Variants in ROBO2 observed in about 807,000 individuals in gnomAD.
ROBO2 encodes the protein roundabout homolog 2.
A neutral mutation model predicts 160.8 loss-of-function variants in ROBO2; 53 were observed. The observed-to-expected ratio is 0.33, with a 90% CI of 0.26 to 0.41. The LOEUF is 0.41. Among genes scored for constraint, ROBO2 ranks in the 10% least tolerant of loss-of-function variants. The pLI is 1.00. For missense variants in ROBO2, 1,577 were observed against 1,722.4 expected (o/e 0.92, Z 1.49); for synonymous variants, 664 against 611.7 (o/e 1.09, Z -1.26).
Position 76,534,035 on chromosome 3 carries a change from G to A in ROBO2, c.110-563979G>A, listed in dbSNP as rs187993241. On this transcript the variant is annotated intron_variant, in intron 2 of 26. Transcript: ENST00000487694. ...TATAATGGCTGAGCTTCAGCTCAGAGACCTAACATTCCTGTCTTTTTATTT... is the reference window on the plus strand; with the variant it reads ...TATAATGGCTGAGCTTCAGCTCAGAAACCTAACATTCCTGTCTTTTTATTT... Among the ~76,000 whole-genome samples the A allele has an allele frequency of 5.3e-5, 8 of 152,230 alleles. No homozygotes were observed. In the East Asian group the frequency reaches 9.7e-4, roughly 18 times the overall value.
At chr3:76,083,032 G>A (rs561881777) in intron 2 of ROBO2, among the ~76,000 whole-genome samples, 18 of 152,122 alleles carry the variant, frequency 1.2e-4, no homozygotes, top group Non-Finnish European at 2.2e-4. Context: ...AAGAGGAGGC[G>A]CTTCCTTCAC....
At chr3:76,521,191 G>A (rs1328053100) in intron 2 of ROBO2, among the ~76,000 whole-genome samples, 1 of 151,916 alleles carries the variant, frequency 6.6e-6, no homozygotes, top group Non-Finnish European at 1.5e-5. Flanking sequence ...TGGGACTACA[G>A]GCATGCGTCA....
intron 2 of ROBO2, among the ~76,000 whole-genome samples, chr3:77,256,710 G>C (rs935054431): frequency 1.3e-5 from 2 of 152,184 alleles, no homozygotes; most frequent in African/African-American, 2.4e-5. Context: ...CCCAAGAGAG[G>C]CTTCTGCGAA....
chr3:77,529,171 T>A (rs1288019514), intron 6 of ROBO2, among the ~76,000 whole-genome samples: 2 of 150,958 alleles, frequency 1.3e-5, no homozygotes, highest in East Asian at 3.9e-4. Context: ...ATATAAATTA[T>A]ATACAACAAT....
intron 2 of ROBO2, among the ~76,000 whole-genome samples, chr3:76,139,557 T>C (rs539246584): frequency 6.6e-6 from 1 of 152,002 alleles, no homozygotes; most frequent in African/African-American, 2.4e-5. Context: ...TGCAGTGGAG[T>C]GGAGAGAGTT....
intron 2 of ROBO2, among the ~76,000 whole-genome samples, chr3:77,422,623 C>T (rs1251350865): frequency 6.6e-6 from 1 of 152,118 alleles, no homozygotes. Context: ...AAATGATTAT[C>T]TTAATATTTT....
chr3:76,317,326 A>G, intron 2 of ROBO2, among the ~76,000 whole-genome samples: 1 of 152,220 alleles, frequency 6.6e-6, no homozygotes, highest in East Asian at 1.9e-4. Context: ...ACGCTGGGAA[A>G]TCATTTTTAT....
chr3:77,446,958 A>T (rs1189056064), intron 2 of ROBO2, among the ~76,000 whole-genome samples: 6 of 152,104 alleles, frequency 3.9e-5, no homozygotes, highest in Non-Finnish European at 8.8e-5. Flanking sequence ...TTTCACTGTG[A>T]AAGAATGCAG....
At chr3:77,029,985 G>A (rs2063212447) in intron 2 of ROBO2, among the ~76,000 whole-genome samples, 1 of 148,378 alleles carries the variant, frequency 6.7e-6, no homozygotes, top group Non-Finnish European at 1.5e-5. Flanking sequence ...TCGCTCTGTC[G>A]CCCAGGCTGG....
chr3:76,717,990 C>T (rs2093409132), intron 2 of ROBO2, among the ~76,000 whole-genome samples: 1 of 152,184 alleles, frequency 6.6e-6, no homozygotes, highest in South Asian at 2.1e-4. Flanking sequence ...ATATAAGTAT[C>T]ACATTCATCA....
chr3:77,640,096 C>CTTTTTTTT (rs1559785171), intron 24 of ROBO2, among the ~76,000 whole-genome samples: 12 of 97,460 alleles, frequency 1.2e-4, no homozygotes, highest in Non-Finnish European at 1.8e-4. Flanking sequence ...GCAGAGGAAG[C>CTTTTTTTT]ATTTTTTTTT....
At chr3:76,385,476 A>T (rs1281546496) in intron 2 of ROBO2, among the ~76,000 whole-genome samples, 1 of 152,166 alleles carries the variant, frequency 6.6e-6, no homozygotes, top group African/African-American at 2.4e-5. Flanking sequence ...CACCTTATCT[A>T]CCTGACTCTA....
chr3:76,357,846 A>G (rs1158810673), intron 2 of ROBO2, among the ~76,000 whole-genome samples: 1 of 151,084 alleles, frequency 6.6e-6, no homozygotes, highest in African/African-American at 2.4e-5. Context: ...ATAGATTAGA[A>G]ACATCAAACC....
intron 2 of ROBO2, among the ~76,000 whole-genome samples, chr3:76,169,683 A>ATTT (rs2072968636): frequency 6.6e-6 from 1 of 152,178 alleles, no homozygotes; most frequent in Non-Finnish European, 1.5e-5. Flanking sequence ...AATAAATCAT[A>ATTT]ATTTATTGAT....
intron 2 of ROBO2, among the ~76,000 whole-genome samples, chr3:76,200,865 C>T (rs6549845): frequency 0.11 from 16,702 of 151,886 alleles, 1,180 homozygotes; most frequent in African/African-American, 0.2. Flanking sequence ...CCAGCTCACA[C>T]GTTAGATTTG....
At chr3:77,229,630 C>A (rs528627309) in intron 2 of ROBO2, among the ~76,000 whole-genome samples, 129 of 150,166 alleles carry the variant, frequency 8.6e-4, no homozygotes, top group African/African-American at 2.9e-3. Context: ...CACTGCACCC[C>A]AGCCCAGGCA....
At chr3:76,545,395 G>C (rs1404958424) in intron 2 of ROBO2, among the ~76,000 whole-genome samples, 1 of 151,902 alleles carries the variant, frequency 6.6e-6, no homozygotes, top group Non-Finnish European at 1.5e-5. Context: ...TTGGACAAAA[G>C]AGTTTTCCAT....
chr3:77,323,935 T>G (rs1292069660), intron 2 of ROBO2, among the ~76,000 whole-genome samples: 2 of 152,196 alleles, frequency 1.3e-5, no homozygotes, highest in Non-Finnish European at 2.9e-5. Flanking sequence ...AGGTCAATTT[T>G]TATAACCATG....
chr3:76,123,796 T>G (rs2108301051), intron 2 of ROBO2, among the ~76,000 whole-genome samples: 1 of 152,308 alleles, frequency 6.6e-6, no homozygotes, highest in South Asian at 2.1e-4. Flanking sequence ...CTTACACCTT[T>G]TCTTCCTACA....
Sources: gnomAD v4.1 joint callset for allele counts (sites outside exome capture counted in the v4.1 genomes callset) on GRCh38, gnomAD v4.1.1 for gene constraint, MANE v1.5 for transcripts, NCBI Gene and HGNC (gene_info 2026-07-23, HGNC 2026-07-21) for gene names.